The following FREM2 variants were observed in gnomAD, a reference collection of about 807,000 sequenced individuals.
FREM2 encodes FRAS1 related extracellular matrix 2.
In FREM2, 119 loss-of-function variants were observed where a neutral mutation model predicts 219.9. The observed-to-expected ratio is 0.54, with a 90% CI of 0.47 to 0.63. The LOEUF (loss-of-function observed/expected upper bound fraction) is 0.63. Ranked by LOEUF, FREM2 falls within the 30% of genes least tolerant of loss-of-function variation. The pLI, the probability that FREM2 is intolerant of heterozygous loss-of-function variation, is 0.00. For synonymous variants in FREM2, 1,562 were observed against 1,522.8 expected (o/e 1.03, Z -0.60); for missense variants, 4,030 against 3,993.6 (o/e 1.01, Z -0.25).
At chr13:38,705,462 C>CT (rs895636665) in intron 2 of FREM2, among the ~76,000 whole-genome samples, 13 of 152,294 alleles carry the variant, frequency 8.5e-5, no homozygotes, top group African/African-American at 3.1e-4. Flanking sequence ...GGAAGCCAGC[C>CT]TTTTGATCTT....
chr13:38,750,526 A>G (rs1460957127), intron 2 of FREM2, among the ~76,000 whole-genome samples: 1 of 152,158 alleles, frequency 6.6e-6, no homozygotes, highest in African/African-American at 2.4e-5. Context: ...CCATTCATCC[A>G]TTGATGAATA....
intron 4 of FREM2, among the ~76,000 whole-genome samples, chr13:38,771,748 G>A (rs1319323723): frequency 6.6e-6 from 1 of 152,032 alleles, no homozygotes; most frequent in Non-Finnish European, 1.5e-5. Context: ...ATAATGCTTG[G>A]TATGCTCTGT....
At chr13:38,847,220 T>G (rs1877192749) in intron 7 of FREM2, among the ~76,000 whole-genome samples, 1 of 152,216 alleles carries the variant, frequency 6.6e-6, no homozygotes, top group African/African-American at 2.4e-5. Context: ...CTAGCACATA[T>G]CTGCATTTTA....
At position 38,689,018 on chromosome 13, in the gene FREM2, C is replaced by T. The variant is rs774352198; in HGVS notation, c.1674C>T (p.Asp558=). Residue 558 remains aspartate, a synonymous_variant, in exon 1 of 24, where the codon GAC becomes GAT. Coordinates refer to ENST00000280481, the MANE Select transcript of FREM2 (RefSeq NM_207361.6). ...CCATCACCTTAGTGCCTGTGGATGA[C>T]CAGCCACCTGTTCTCAATGCCAACA... ...LFPITLVPVD[D]QPPVLNANTG... is the part of the protein sequence containing the mutation. 1 of 1,613,920 alleles carries T rather than the reference C, an allele frequency of 6.2e-7. No individual in the cohort carries two copies. Among genetic ancestry groups the T allele is most frequent in the Non-Finnish European group, 8.5e-7 (1 of 1,179,916 alleles).
chr13:38,689,668 C>T lies in FREM2; in HGVS notation c.2324C>T (p.Thr775Ile). Residue 775 changes from threonine (T) to isoleucine (I), a missense_variant, in exon 1 of 24, where the codon ACC becomes ATC. By Grantham distance (89) the Thr-to-Ile change is moderately conservative. Coordinates refer to ENST00000280481, the MANE Select transcript of FREM2 (RefSeq NM_207361.6). ...CCCTCAGTCGTGGTGACCCATTTTA[C>T]CCAAGCCCAGATCAACCATCATAAA... ...DNPSVVVTHFTQAQINHHKIA... is the reference protein window; with the variant it reads ...DNPSVVVTHFIQAQINHHKIA... The T allele has an allele frequency of 3.1e-6, 5 of 1,614,124 alleles. No homozygotes were observed. Among genetic ancestry groups the T allele is most frequent in the Non-Finnish European group, 4.2e-6 (5 of 1,180,026 alleles).
intron 6 of FREM2, among the ~76,000 whole-genome samples, chr13:38,826,936 T>A (rs1163050022): frequency 6.6e-6 from 1 of 152,084 alleles, no homozygotes; most frequent in East Asian, 1.9e-4. Context: ...TCCTCACAAC[T>A]TAGGAATACT....
chr13:38,851,795 G>T lies in FREM2; in HGVS notation c.6852G>T (p.Lys2284Asn), dbSNP rs772357847. ...TGATTCGCCAAGGAGACACTTCAAA[G>T]GTTTCCATTGTGAGAGTCCACACCA... The part of the protein sequence containing the change: ...IPVIRQGDTS[K>N]VSIVRVHTKD... The change falls in exon 11 of 24, where the codon AAG (lysine) becomes AAT (asparagine). Residue 2284 changes from lysine (K) to asparagine (N), a missense_variant. Physicochemically the swap from Lys to Asn is moderately conservative, Grantham distance 94. Transcript: ENST00000280481. 16 of 1,613,870 alleles carry T rather than the reference G, an allele frequency of 9.9e-6. No homozygotes were observed. The highest frequency in any genetic ancestry group is 3.4e-6 in the Non-Finnish European group (4 of 1,179,942).
chr13:38,711,678 CATAG>C (rs1870774308), intron 2 of FREM2, among the ~76,000 whole-genome samples: 1 of 152,088 alleles, frequency 6.6e-6, no homozygotes, highest in Admixed American at 6.5e-5. Context: ...TATATTCATG[CATAG>C]ATAGTTTTTA....
intron 2 of FREM2, among the ~76,000 whole-genome samples, chr13:38,706,699 T>C (rs1322283897): frequency 6.6e-6 from 1 of 152,206 alleles, no homozygotes; most frequent in African/African-American, 2.4e-5. Context: ...CTTTTTAGAA[T>C]CTTGTAATTT....
intron 4 of FREM2, among the ~76,000 whole-genome samples, chr13:38,771,179 T>C (rs1433144226): frequency 6.6e-6 from 1 of 152,226 alleles, no homozygotes; most frequent in Non-Finnish European, 1.5e-5. Context: ...TAGTTAAATA[T>C]GAAGTTCAAT....
At chr13:38,741,552 A>G (rs1872249355) in intron 2 of FREM2, among the ~76,000 whole-genome samples, 1 of 152,184 alleles carries the variant, frequency 6.6e-6, no homozygotes, top group African/African-American at 2.4e-5. Context: ...TGACTCAAGC[A>G]AGTCATTGTT....
intron 6 of FREM2, among the ~76,000 whole-genome samples, chr13:38,826,414 GA>G (rs1876289461): frequency 6.6e-6 from 1 of 152,074 alleles, no homozygotes; most frequent in African/African-American, 2.4e-5. Context: ...ACAACGCAAG[GA>G]AGCAATGCAA....
chr13:38,731,475 A>G (rs1158806120), intron 2 of FREM2, among the ~76,000 whole-genome samples: 1 of 152,200 alleles, frequency 6.6e-6, no homozygotes, highest in East Asian at 1.9e-4. Flanking sequence ...GAAATTAGGT[A>G]ACAATATACT....
At chr13:38,718,609 T>C (rs1392515120) in intron 2 of FREM2, among the ~76,000 whole-genome samples, 1 of 152,268 alleles carries the variant, frequency 6.6e-6, no homozygotes, top group Non-Finnish European at 1.5e-5. Context: ...CTGTAGTATT[T>C]ACTAATGGCT....
chr13:38,700,293 ACT>A (rs1170218016), intron 2 of FREM2, among the ~76,000 whole-genome samples: 3 of 152,078 alleles, frequency 2.0e-5, no homozygotes, highest in African/African-American at 7.2e-5. Flanking sequence ...TGGATTAGTG[ACT>A]ATCCATTACT....
At chr13:38,796,026 A>C (rs1050359699) in intron 6 of FREM2, among the ~76,000 whole-genome samples, 5 of 151,866 alleles carry the variant, frequency 3.3e-5, no homozygotes, top group East Asian at 1.9e-4. Flanking sequence ...TTTTTTGTCG[A>C]AATGAGACTT....
chr13:38,826,206 C>T (rs559507749), intron 6 of FREM2, among the ~76,000 whole-genome samples: 4 of 152,132 alleles, frequency 2.6e-5, no homozygotes, highest in Non-Finnish European at 5.9e-5. Context: ...AAAACACAAA[C>T]GTCCCAGAAG....
At chr13:38,727,145 A>T (rs2138115393) in intron 2 of FREM2, among the ~76,000 whole-genome samples, 1 of 152,314 alleles carries the variant, frequency 6.6e-6, no homozygotes, top group Non-Finnish European at 1.5e-5. Flanking sequence ...GCATCAAAAC[A>T]CCTCTAAATC....
At position 38,783,107 on chromosome 13, in the gene FREM2, TGAA is replaced by T; in HGVS notation, c.5685_5687del (p.Glu1895del). 1 of 1,613,972 alleles carries T rather than the reference TGAA, an allele frequency of 6.2e-7. No individual in the cohort carries two copies. The highest frequency in any genetic ancestry group is 1.1e-5 in the South Asian group (1 of 91,072). ...TTATTCCCCAGTCCAAATACTCCGT[TGAA>T]GAAGATGTTGGTGAGCTGTTCATTC... On this transcript the variant is annotated inframe_deletion, in exon 5 of 24. Transcript: ENST00000280481.
Sources: allele counts gnomAD v4.1 joint callset (sites outside exome capture counted in the v4.1 genomes callset), GRCh38; gene constraint gnomAD v4.1.1; transcripts MANE v1.5; gene names NCBI Gene and HGNC (gene_info 2026-07-23, HGNC 2026-07-21).